Variants in MTG2 observed in about 807,000 individuals in gnomAD.
MTG2 encodes the protein mitochondrial ribosome-associated GTPase 2.
In MTG2, 23 loss-of-function variants were observed where a neutral mutation model predicts 28.6. The ratio of observed to expected loss-of-function variants is 0.80; its 90% CI spans 0.58 to 1.14. The LOEUF is 1.14. MTG2 is among the 50% of genes most tolerant of loss of function. The pLI is 0.00. For missense variants in MTG2, 539 were observed against 552.0 expected, an observed-to-expected ratio of 0.98 and a Z score of 0.24; for synonymous variants, 260 against 251.8, an observed-to-expected ratio of 1.03 and a Z score of -0.31.
Position 62,200,767 on chromosome 20 carries a change from G to A in MTG2, c.911G>A (p.Arg304His), listed in dbSNP as rs142898907. 64 of 1,613,642 alleles carry A rather than the reference G, an allele frequency of 4.0e-5. No homozygotes were observed. The highest frequency in any genetic ancestry group is 3.8e-4 in the East Asian group (17 of 44,898). ...TTCCTCAGGCACATCGAGCGCTGCC[G>A]CTTTCTCTTGTTCGTGGTGGATCTT... ...SAFLRHIERC[R>H]FLLFVVDLSQ... Residue 304 changes from arginine (R) to histidine (H), a missense_variant, in exon 7 of 7, where the codon CGC (arginine) becomes CAC (histidine). Arg to His is a conservative substitution (Grantham distance 29). Coordinates refer to ENST00000370823, the MANE Select transcript of MTG2 (RefSeq NM_015666.4).
chr20:62,187,135 G>A (rs2057865987), intron 1 of MTG2, among the ~76,000 whole-genome samples: 1 of 152,144 alleles, frequency 6.6e-6, no homozygotes, highest in South Asian at 2.1e-4. Flanking sequence ...GGTACCACCT[G>A]TTGATATAGT....
intron 1 of MTG2, among the ~76,000 whole-genome samples, chr20:62,185,201 C>G (rs1601081809): frequency 1.3e-5 from 2 of 152,094 alleles, no homozygotes; most frequent in East Asian, 3.9e-4. Context: ...ATCACGAGAT[C>G]AGGAGTTCAA....
At chr20:62,187,017 T>A (rs1355459916) in intron 1 of MTG2, among the ~76,000 whole-genome samples, 6 of 152,256 alleles carry the variant, frequency 3.9e-5, no homozygotes, top group Admixed American at 3.9e-4. Context: ...TGTGATTAGC[T>A]GTCGGCCGGC....
intron 3 of MTG2, among the ~76,000 whole-genome samples, chr20:62,196,649 A>G (rs1242009403): frequency 6.6e-6 from 1 of 152,030 alleles, no homozygotes; most frequent in Non-Finnish European, 1.5e-5. Context: ...CAGCCTGGCC[A>G]ACAGAGGAAG....
chr20:62,193,760 T>A, intron 2 of MTG2, 136 bp downstream of exon 2: 1 of 856,358 alleles, frequency 1.2e-6, no homozygotes, highest in Non-Finnish European at 1.8e-6. Context: ...TGGAGCTTCT[T>A]GAAAATGACA....
chr20:62,183,353 C>T (rs1367984634), intron 1 of MTG2, among the ~76,000 whole-genome samples: 3 of 152,230 alleles, frequency 2.0e-5, no homozygotes, highest in East Asian at 1.9e-4. Flanking sequence ...TCAGCCACCC[C>T]GGTGGTGCTC....
intron 1 of MTG2, among the ~76,000 whole-genome samples, chr20:62,192,721 C>G (rs1178018318): frequency 6.6e-6 from 1 of 152,190 alleles, no homozygotes; most frequent in Admixed American, 6.5e-5. Context: ...GATTTAGGAG[C>G]TCTGTGTCAG....
intron 1 of MTG2, among the ~76,000 whole-genome samples, chr20:62,186,027 T>G (rs2057837041): frequency 6.6e-6 from 1 of 152,132 alleles, no homozygotes; most frequent in Admixed American, 6.5e-5. Flanking sequence ...GATCTGCAGG[T>G]TCCATGTCAC....
At position 62,197,843 on chromosome 20, in the gene MTG2, T is replaced by A; in HGVS notation, c.353-9T>A. On this transcript the variant is annotated splice_polypyrimidine_tract_variant and intron_variant, in intron 3 of 6. Coordinates refer to ENST00000370823, the MANE Select transcript of MTG2 (RefSeq NM_015666.4). Reference sequence around the variant, plus strand: ...CACAAAGGGACTGAGATTCTTGTTCTTGCTTTAGTTGACCAGCAAGTCAAG... The same window carrying A: ...CACAAAGGGACTGAGATTCTTGTTCATGCTTTAGTTGACCAGCAAGTCAAG... The A allele has an allele frequency of 6.2e-7, 1 of 1,613,166 alleles. No homozygotes were observed. The highest frequency in any genetic ancestry group is 1.3e-5 in the African/African-American group (1 of 75,054).
At chr20:62,184,175 G>A (rs533288368) in intron 1 of MTG2, among the ~76,000 whole-genome samples, 15 of 152,324 alleles carry the variant, frequency 9.8e-5, no homozygotes, top group East Asian at 1.9e-4. Context: ...TGGCCAACAT[G>A]GTGAAACCCC....
chr20:62,200,706 C>A lies in MTG2; in HGVS notation c.850C>A (p.Arg284=). The change falls in exon 7 of 7, where the codon CGA becomes AGA. Residue 284 remains arginine, a synonymous_variant. Transcript: ENST00000370823. ...AGTGGCCGACATCCCCGGCATCATA[C>A]GAGGCGCCCACCAGAACAGGGGTCT... The part of the protein sequence containing the change: ...IAVADIPGII[R]GAHQNRGLGS... 3 of 1,611,268 alleles carry A rather than the reference C, an allele frequency of 1.9e-6. No individual in the cohort carries two copies. The highest frequency in any genetic ancestry group is 8.5e-7 in the Non-Finnish European group (1 of 1,179,034).
chr20:62,201,182 G>A lies in MTG2; in HGVS notation c.*105G>A. On this transcript the variant is annotated 3_prime_UTR_variant, in exon 7 of 7. Coordinates refer to ENST00000370823, the MANE Select transcript of MTG2 (RefSeq NM_015666.4). Reference sequence around the variant, plus strand: ...TGCCTTGTGGACACGGGGGAGTTGTGGTGCTTCTGGGTCTCTGGGCCCCGC... The same window carrying A: ...TGCCTTGTGGACACGGGGGAGTTGTAGTGCTTCTGGGTCTCTGGGCCCCGC... 7.4e-7 allele frequency: 1 copy of A among 1,349,442 alleles called. No individual in the cohort carries two copies. The highest frequency in any genetic ancestry group is 9.8e-7 in the Non-Finnish European group (1 of 1,019,784). The allele number at this position is 1,349,442 out of a possible 1,614,324, so 83.6% of individuals were successfully genotyped here. A position where few individuals can be genotyped will look rare whatever the true frequency, so the allele number is the denominator to read the frequency against.
chr20:62,198,980 C>A, intron 5 of MTG2, 128 bp downstream of exon 5: 1 of 1,526,660 alleles, frequency 6.6e-7, no homozygotes. Context: ...CATCAGTACA[C>A]TGCTGACTTG....
rs762928279 is a variant in MTG2 at position 62,197,810 on chromosome 20, T to C, written c.353-42T>C. 21 of 1,572,268 alleles carry C rather than the reference T, an allele frequency of 1.3e-5. No homozygotes were observed. The Admixed American group carries it at 2.8e-4, about 21-fold the overall frequency. Reference sequence around the variant, plus strand: ...AGACACATCAGCAATAGGCCATGGTTGTCGTAACACAAAGGGACTGAGATT... The same window carrying C: ...AGACACATCAGCAATAGGCCATGGTCGTCGTAACACAAAGGGACTGAGATT... On this transcript the variant is annotated intron_variant, in intron 3 of 6. Transcript: ENST00000370823.
chr20:62,185,403 CTG>C (rs1568779934), intron 1 of MTG2, among the ~76,000 whole-genome samples: 1 of 149,928 alleles, frequency 6.7e-6, no homozygotes, highest in Non-Finnish European at 1.5e-5. Context: ...CAGAGCGAGA[CTG>C]TCTCCAAAAA....
At chr20:62,192,384 A>C (rs958668232) in intron 1 of MTG2, among the ~76,000 whole-genome samples, 3 of 152,212 alleles carry the variant, frequency 2.0e-5, no homozygotes, top group African/African-American at 7.2e-5. Flanking sequence ...CGAGGCCCAG[A>C]GGGTCCTAAG....
In MTG2 at chr20:62,203,147, AT is replaced by A. The variant is rs1483298821; in HGVS notation, c.*2071del. 1 of 152,224 alleles carries A rather than the reference AT, an allele frequency of 6.6e-6. No individual in the cohort carries two copies. Among genetic ancestry groups the A allele is most frequent in the Non-Finnish European group, 1.5e-5 (1 of 68,050 alleles). 9.4% of individuals were successfully genotyped at this position (152,224 alleles called of 1,614,324 possible). On this transcript the variant is annotated 3_prime_UTR_variant, in exon 7 of 7. Transcript: ENST00000370823. ...ACGGCGTTAATTATCCCTGGCTTTC[AT>A]CTTGATGCTCTTGCAGGGGAGGCTC...
At chr20:62,183,633 C>G (rs959542191) in intron 1 of MTG2, among the ~76,000 whole-genome samples, 1 of 152,196 alleles carries the variant, frequency 6.6e-6, no homozygotes, top group Non-Finnish European at 1.5e-5. Context: ...TTCCCATTTA[C>G]GTTCTCGTAG....
chr20:62,189,304 CAA>C (rs57267780), intron 1 of MTG2, among the ~76,000 whole-genome samples: 5 of 132,852 alleles, frequency 3.8e-5, no homozygotes, highest in Admixed American at 7.8e-5. Flanking sequence ...GACTCTGTCT[CAA>C]AAAAAAAAAA....
Sources: allele counts gnomAD v4.1 joint callset (sites outside exome capture counted in the v4.1 genomes callset), GRCh38; gene constraint gnomAD v4.1.1; transcripts MANE v1.5; gene names NCBI Gene and HGNC (gene_info 2026-07-23, HGNC 2026-07-21).